RMST: variants seen among roughly 807,000 people sequenced by gnomAD.
RMST encodes the protein rhabdomyosarcoma 2 associated transcript.
chr12:97,478,724 T>A (rs1349110226), intron 5 of RMST, among the ~76,000 whole-genome samples: 2 of 152,212 alleles, frequency 1.3e-5, no homozygotes, highest in African/African-American at 2.4e-5. Context: ...AGGGCTTAAA[T>A]AGGAGTTAAA....
intron 11 of RMST, chr12:97,551,744 C>T (rs371866949): frequency 7.2e-5 from 11 of 152,088 alleles, no homozygotes; most frequent in East Asian, 3.8e-4. Flanking sequence ...ATATCACCCA[C>T]GAGGGAGGAT....
chr12:97,564,502 G>A (rs1207726792), exon 14 of RMST: 2 of 152,424 alleles, frequency 1.3e-5, no homozygotes, highest in Admixed American at 6.5e-5. Context: ...TGTGACCTGG[G>A]GCAAATGATA....
chr12:97,521,736 C>G (rs1019963102), intron 10 of RMST, among the ~76,000 whole-genome samples: 1 of 152,158 alleles, frequency 6.6e-6, no homozygotes, highest in African/African-American at 2.4e-5. Flanking sequence ...CTCAATTCTT[C>G]TTTAGGCAGA....
At chr12:97,480,423 C>G (rs1287490250) in intron 5 of RMST, among the ~76,000 whole-genome samples, 1 of 152,180 alleles carries the variant, frequency 6.6e-6, no homozygotes, top group African/African-American at 2.4e-5. Context: ...GGCTCACGAT[C>G]ACTACCACTG....
chr12:97,488,096 G>T (rs762963310), intron 5 of RMST, among the ~76,000 whole-genome samples: 1 of 152,124 alleles, frequency 6.6e-6, no homozygotes, highest in African/African-American at 2.4e-5. Context: ...CAGGATGAAG[G>T]TTTTCTGGCC....
intron 5 of RMST, among the ~76,000 whole-genome samples, chr12:97,467,511 T>G (rs985859157): frequency 3.9e-5 from 6 of 152,028 alleles, no homozygotes; most frequent in African/African-American, 1.4e-4. Flanking sequence ...AATATAATAT[T>G]GCTGAATTAA....
intron 10 of RMST, among the ~76,000 whole-genome samples, chr12:97,513,164 G>A (rs2136524652): frequency 6.6e-6 from 1 of 152,284 alleles, no homozygotes; most frequent in South Asian, 2.1e-4. Context: ...TCTGGCCTTG[G>A]CCAGCCCAGA....
At chr12:97,524,104 T>A (rs1454471647) in intron 10 of RMST, among the ~76,000 whole-genome samples, 290 of 63,694 alleles carry the variant, frequency 4.6e-3, no homozygotes, top group African/African-American at 7.4e-3. Flanking sequence ...AAAAAAAAAA[T>A]CACATAACTG....
chr12:97,562,097 A>G (rs1469716415), intron 13 of RMST, among the ~76,000 whole-genome samples: 2 of 152,128 alleles, frequency 1.3e-5, no homozygotes, highest in Non-Finnish European at 2.9e-5. Context: ...TAACAGTCAC[A>G]GGATTGCCAT....
At chr12:97,502,962 T>A (rs1593194555) in intron 10 of RMST, among the ~76,000 whole-genome samples, 1 of 152,238 alleles carries the variant, frequency 6.6e-6, no homozygotes, top group East Asian at 1.9e-4. Flanking sequence ...AGTCTTGGTC[T>A]CCCAATAGAG....
intron 5 of RMST, among the ~76,000 whole-genome samples, chr12:97,484,445 A>G (rs1015199108): frequency 4.9e-4 from 75 of 152,218 alleles, no homozygotes; most frequent in Middle Eastern, 3.2e-3. Context: ...GCTTTTAGTC[A>G]TATTAACAAC....
chr12:97,478,938 T>C (rs1874880148), intron 5 of RMST, among the ~76,000 whole-genome samples: 1 of 152,078 alleles, frequency 6.6e-6, no homozygotes, highest in Admixed American at 6.6e-5. Context: ...CTAGTAGAGC[T>C]GTGGTCTGGG....
intron 10 of RMST, among the ~76,000 whole-genome samples, chr12:97,520,008 A>T (rs1293997479): frequency 6.6e-6 from 1 of 152,244 alleles, no homozygotes; most frequent in African/African-American, 2.4e-5. Context: ...TTTAAGGAAC[A>T]GGAAATTTTG....
At chr12:97,519,824 G>A (rs1880327209) in intron 10 of RMST, among the ~76,000 whole-genome samples, 1 of 152,100 alleles carries the variant, frequency 6.6e-6, no homozygotes, top group Non-Finnish European at 1.5e-5. Flanking sequence ...GTATAATGTG[G>A]CAATGTGTTC....
intron 10 of RMST, among the ~76,000 whole-genome samples, chr12:97,522,425 G>C (rs958789839): frequency 6.6e-6 from 1 of 152,150 alleles, no homozygotes; most frequent in African/African-American, 2.4e-5. Context: ...TAGGCCGTGT[G>C]GGTTGAGATA....
chr12:97,496,863 C>A (rs143388022), intron 10 of RMST, among the ~76,000 whole-genome samples: 1 of 152,216 alleles, frequency 6.6e-6, no homozygotes, highest in African/African-American at 2.4e-5. Context: ...TTTAAGGGAG[C>A]TTAGATCACT....
intron 10 of RMST, among the ~76,000 whole-genome samples, chr12:97,527,895 C>T (rs1190760766): frequency 2.0e-5 from 3 of 151,136 alleles, no homozygotes; most frequent in African/African-American, 7.3e-5. Flanking sequence ...TAATATTTCA[C>T]AGAAAAAAAA....
At chr12:97,484,937 G>A (rs2136432276) in intron 5 of RMST, among the ~76,000 whole-genome samples, 1 of 152,106 alleles carries the variant, frequency 6.6e-6, no homozygotes, top group South Asian at 2.1e-4. Context: ...TCCACACCTG[G>A]TGCATCAGGG....
chr12:97,482,068 A>T (rs192900945), intron 5 of RMST, among the ~76,000 whole-genome samples: 471 of 152,326 alleles, frequency 3.1e-3, no homozygotes, highest in Middle Eastern at 6.8e-3. Flanking sequence ...CTAATATCAG[A>T]GAAGGAACAA....
Sources: gnomAD v4.1 joint callset for allele counts (sites outside exome capture counted in the v4.1 genomes callset) on GRCh38, gnomAD v4.1.1 for gene constraint, MANE v1.5 for transcripts, NCBI Gene and HGNC (gene_info 2026-07-23, HGNC 2026-07-21) for gene names.